Variants in GZMM observed in about 807,000 individuals in gnomAD.
GZMM encodes the protein granzyme M, also known as HU-Met-1.
GZMM carries 23 observed loss-of-function variants against 19.2 expected under a neutral mutation model. That is an observed-to-expected ratio of 1.20 (90% CI 0.86 to 1.69). The LOEUF is 1.69. Among genes scored for constraint, GZMM ranks in the 40% most tolerant of loss-of-function variants. The pLI, the probability that GZMM is intolerant of heterozygous loss-of-function variation, is 0.00. For missense variants in GZMM, 373 were observed against 352.2 expected (o/e 1.06, Z -0.47); for synonymous variants, 178 against 160.2 (o/e 1.11, Z -0.84).
intron 1 of GZMM, among the ~76,000 whole-genome samples, chr19:546,398 G>A (rs147753907): frequency 0.012 from 1,834 of 151,928 alleles, 45 homozygotes; most frequent in African/African-American, 0.042. Context: ...AAAATTAGCC[G>A]GACGTGGTGA....
At chr19:548,412 C>G (rs1435561258) in intron 2 of GZMM, 130 bp from the exon 3 acceptor site, 1 of 885,372 alleles carries the variant, frequency 1.1e-6, no homozygotes, top group Non-Finnish European at 1.7e-6. Flanking sequence ...ACTGGCCAAG[C>G]CAAGGCCTGT....
chr19:548,689 C>G lies in GZMM; in HGVS notation c.348+12C>G, dbSNP rs200896181. On this transcript the variant is annotated intron_variant, in intron 3 of 4. Transcript: ENST00000264553. ...TCGCGCTGCTTCAGGTGTGCAGGGACGGGACAGGGAGAACTGGGCACCCTC... is the reference window on the plus strand; with the variant it reads ...TCGCGCTGCTTCAGGTGTGCAGGGAGGGGACAGGGAGAACTGGGCACCCTC... 6.2e-7 allele frequency: 1 copy of G among 1,609,716 alleles called. No individual in the cohort carries two copies. Among genetic ancestry groups the G allele is most frequent in the Non-Finnish European group, 8.5e-7 (1 of 1,178,726 alleles).
At position 547,337 on chromosome 19, in the gene GZMM, C is replaced by G. The variant is rs769729181; in HGVS notation, c.113C>G (p.Pro38Arg). The G allele has an allele frequency of 1.3e-6, 2 of 1,577,806 alleles. No individual in the cohort carries two copies. Among genetic ancestry groups the G allele is most frequent in the African/African-American group, 1.4e-5 (1 of 72,840 alleles). Residue 38 changes from proline to arginine, a missense_variant, in exon 2 of 5, where the codon CCG becomes CGG. Transcript: ENST00000264553. ...GGREVIPHSRPYMASLQRNGS... is the reference protein window; with the variant it reads ...GGREVIPHSRRYMASLQRNGS... Reference sequence around the variant, plus strand: ...CGGGAGGTGATCCCCCACTCGCGCCCGTACATGGCCTCACTGCAGAGAAAT... The same window carrying G: ...CGGGAGGTGATCCCCCACTCGCGCCGGTACATGGCCTCACTGCAGAGAAAT...
At chr19:544,406 G>C (rs1051009722) in intron 1 of GZMM, among the ~76,000 whole-genome samples, 3 of 152,180 alleles carry the variant, frequency 2.0e-5, no homozygotes, top group Non-Finnish European at 4.4e-5. Context: ...CCGAGGTGCA[G>C]AGTAGGAGAC....
At chr19:547,459 C>T in intron 2 of GZMM, 23 bp downstream of exon 2, 1 of 1,363,014 alleles carries the variant, frequency 7.3e-7, no homozygotes, top group Non-Finnish European at 9.5e-7. Flanking sequence ...CCCTGCCCAC[C>T]CCAGGGGTCC....
At chr19:545,133 C>T (rs1355175989) in intron 1 of GZMM, among the ~76,000 whole-genome samples, 5 of 151,518 alleles carry the variant, frequency 3.3e-5, no homozygotes, top group African/African-American at 1.2e-4. Flanking sequence ...TTCTGTGTAT[C>T]CATCCGTATT....
rs544578589 is a variant in GZMM, at chr19:546,944, G to A, written c.56-336G>A. Among the ~76,000 whole-genome samples, 22 of 151,924 alleles carry A rather than the reference G, an allele frequency of 1.4e-4. No individual in the cohort carries two copies. In the South Asian group the frequency reaches 2.9e-3, roughly 20 times the overall value. On this transcript the variant is annotated intron_variant, in intron 1 of 4. Transcript: ENST00000264553. ...AGTGATCCTCCCTCCTCAGCCTCCC[G>A]AAGTGCTGGGATCACAGGGGTGAGC...
intron 1 of GZMM, among the ~76,000 whole-genome samples, chr19:545,623 A>G (rs1245455928): frequency 1.3e-5 from 2 of 150,426 alleles, no homozygotes; most frequent in African/African-American, 4.9e-5. Context: ...CTGGGATTAC[A>G]GGCGTGAGCC....
At chr19:548,752 TC>T in intron 3 of GZMM, 75 bp downstream of exon 3, 2 of 838,086 alleles carry the variant, frequency 2.4e-6, no homozygotes, top group Non-Finnish European at 3.1e-6. Flanking sequence ...CACTGCGCCC[TC>T]CCCCCGCTGC....
At position 546,557 on chromosome 19, in the gene GZMM, T is replaced by A. The variant is rs1260541856; in HGVS notation, c.56-723T>A. Among the ~76,000 whole-genome samples the A allele has an allele frequency of 3.6e-3, 248 of 69,688 alleles. 3 individuals carry two copies. The highest frequency in any genetic ancestry group is 2.2e-3 in the Non-Finnish European group (62 of 27,926). The allele number at this position is 69,688 out of a possible 152,430, so 45.7% of individuals were successfully genotyped here. A position where few individuals can be genotyped will look rare whatever the true frequency, so the allele number is the denominator to read the frequency against. ...CTCCATCTCAAAAAAAAAAAAAAAA[T>A]GGCCAGGTGCAGTGGCTCATACCTG... On this transcript the variant is annotated intron_variant, in intron 1 of 4. Coordinates refer to ENST00000264553, the MANE Select transcript of GZMM (RefSeq NM_005317.4).
In GZMM at chr19:548,684, AG is replaced by A; in HGVS notation, c.348+10del. On this transcript the variant is annotated splice_region_variant and intron_variant, in intron 3 of 4. Coordinates refer to ENST00000264553, the MANE Select transcript of GZMM (RefSeq NM_005317.4). Reference sequence around the variant, plus strand: ...CGACCTCGCGCTGCTTCAGGTGTGCAGGGACGGGACAGGGAGAACTGGGCAC... The same window carrying A: ...CGACCTCGCGCTGCTTCAGGTGTGCAGGACGGGACAGGGAGAACTGGGCAC... 1 of 1,609,612 alleles carries A rather than the reference AG, an allele frequency of 6.2e-7. No homozygotes were observed. Among genetic ancestry groups the A allele is most frequent in the Non-Finnish European group, 8.5e-7 (1 of 1,178,870 alleles).
rs1273518214 is a variant in GZMM, at chr19:549,179, C to CT, written c.607dup (p.Cys203LeufsTer4). ...CGGCCGACTCCAAGGACCAGGCTCC[C>CT]TGCAAGGTGAGGGGCGCCCGGGTGG... On this transcript the variant is annotated frameshift_variant, in exon 4 of 5. Transcript: ENST00000264553. LOFTEE classifies it low-confidence loss of function (END_TRUNC). 1 of 1,571,326 alleles carries CT rather than the reference C, an allele frequency of 6.4e-7. No homozygotes were observed.
chr19:547,245 G>C (rs748522250), intron 1 of GZMM, 35 bp from the exon 2 acceptor site: 1 of 1,475,772 alleles, frequency 6.8e-7, no homozygotes, highest in South Asian at 1.4e-5. Context: ...GGGGCATGTA[G>C]CCCCAACCTG....
At chr19:549,214 A>G (rs1353134762) in intron 4 of GZMM, 29 bp downstream of exon 4, 2 of 1,545,000 alleles carry the variant, frequency 1.3e-6, no homozygotes, top group Non-Finnish European at 8.8e-7. Context: ...GGGCTGGGGG[A>G]ATGAGGCTGG....
At position 548,490 on chromosome 19, in the gene GZMM, G is replaced by C. The variant is rs547815958; in HGVS notation, c.213-52G>C. 3 of 1,586,372 alleles carry C rather than the reference G, an allele frequency of 1.9e-6. No homozygotes were observed. The African/African-American group carries it at 4.0e-5, about 21-fold the overall frequency. ...AGTGGGGGCCGGGACTGCATGTGGCGGGTCGTCCACGCCGGGCCAGGCCGC... is the reference window on the plus strand; with the variant it reads ...AGTGGGGGCCGGGACTGCATGTGGCCGGTCGTCCACGCCGGGCCAGGCCGC... On this transcript the variant is annotated intron_variant, in intron 2 of 4. Transcript: ENST00000264553.
intron 1 of GZMM, 87 bp from the exon 2 acceptor site, chr19:547,193 C>A: frequency 1.6e-6 from 2 of 1,271,248 alleles, no homozygotes; most frequent in Non-Finnish European, 2.1e-6. Flanking sequence ...GCTTGGGGTC[C>A]TGGGCCTCTG....
At chr19:544,278 G>A (rs146424661) in intron 1 of GZMM, 152 bp downstream of exon 1, 318 of 672,844 alleles carry the variant, frequency 4.7e-4, no homozygotes, top group Non-Finnish European at 6.6e-4. Flanking sequence ...GGGGCATCCC[G>A]AGCTCCTCAC....
chr19:546,081 C>T (rs1036608755), intron 1 of GZMM, among the ~76,000 whole-genome samples: 1 of 151,966 alleles, frequency 6.6e-6, no homozygotes, highest in Non-Finnish European at 1.5e-5. Context: ...CACCGGCCCG[C>T]AAGCGGGGAC....
Position 544,146 on chromosome 19 carries a change from C to CA in GZMM, c.55+21dup. ...CAGTAGGTGAGTGGGAGCCGGGATG[C>CA]AGGGGGGACACTGAGGCCCAGCGCT... On this transcript the variant is annotated intron_variant, in intron 1 of 4. Coordinates refer to ENST00000264553, the MANE Select transcript of GZMM (RefSeq NM_005317.4). 1 of 1,545,490 alleles carries CA rather than the reference C, an allele frequency of 6.5e-7. No homozygotes were observed. Among genetic ancestry groups the CA allele is most frequent in the Non-Finnish European group, 8.7e-7 (1 of 1,143,492 alleles).
Sources: gnomAD v4.1 joint callset for allele counts (sites outside exome capture counted in the v4.1 genomes callset) on GRCh38, gnomAD v4.1.1 for gene constraint, MANE v1.5 for transcripts, NCBI Gene and HGNC (gene_info 2026-07-23, HGNC 2026-07-21) for gene names.